The following LY96 variants were observed in gnomAD, a reference collection of about 807,000 sequenced individuals.
LY96 encodes the protein lymphocyte antigen 96, also known as myeloid differentiation protein-2.
A neutral mutation model predicts 18.9 loss-of-function variants in LY96; 18 were observed. The observed-to-expected ratio is 0.95, with a 90% CI of 0.66 to 1.41. LY96 has a LOEUF of 1.41. Among genes scored for constraint, LY96 ranks in the 40% most tolerant of loss-of-function variants. The pLI, the probability that LY96 is intolerant of heterozygous loss-of-function variation, is 0.00. For synonymous variants in LY96, 66 were observed against 62.6 expected (o/e 1.06, Z -0.26); for missense variants, 175 against 182.4 (o/e 0.96, Z 0.23).
At chr8:74,060,536 C>T in the LY96 span, among the ~76,000 whole-genome samples, 4 of 152,186 alleles carry the variant, frequency 2.6e-5, no homozygotes, top group Non-Finnish European at 4.4e-5. Flanking sequence ...TTTTTCTCTC[C>T]ACTTTTGAGT....
chr8:74,065,955 A>G, the LY96 span, among the ~76,000 whole-genome samples: 2 of 152,244 alleles, frequency 1.3e-5, no homozygotes, highest in East Asian at 1.9e-4. Context: ...GACATGCAGG[A>G]CAATTCAAAA....
chr8:74,089,852 C>A, the LY96 span, among the ~76,000 whole-genome samples: 1 of 152,124 alleles, frequency 6.6e-6, no homozygotes, highest in African/African-American at 2.4e-5. Context: ...TGAGCAAAGA[C>A]CTTGAGGGAG....
intron 3 of LY96, among the ~76,000 whole-genome samples, chr8:74,020,206 A>G (rs146530931): frequency 0.025 from 3,828 of 152,310 alleles, 173 homozygotes; most frequent in African/African-American, 0.085. Context: ...TAAGCTGATA[A>G]GCAGCTTCAG....
chr8:74,007,415 T>C (rs1424168654), intron 2 of LY96, among the ~76,000 whole-genome samples: 1 of 152,236 alleles, frequency 6.6e-6, no homozygotes, highest in African/African-American at 2.4e-5. Context: ...AAAATAATTA[T>C]TCAGTCATAT....
At chr8:74,083,654 G>A in the LY96 span, among the ~76,000 whole-genome samples, 1 of 152,032 alleles carries the variant, frequency 6.6e-6, no homozygotes, top group African/African-American at 2.4e-5. Context: ...TTTTTGATAG[G>A]TGCCTATGTT....
At chr8:74,088,648 C>T in the LY96 span, among the ~76,000 whole-genome samples, 54 of 152,252 alleles carry the variant, frequency 3.5e-4, 1 homozygote, top group East Asian at 3.3e-3. Flanking sequence ...TGCAGTGGCA[C>T]GATCTCGGCT....
intron 3 of LY96, among the ~76,000 whole-genome samples, chr8:74,020,606 T>C (rs1816738928): frequency 6.6e-6 from 1 of 152,132 alleles, no homozygotes; most frequent in Non-Finnish European, 1.5e-5. Flanking sequence ...GAGCCTGCAT[T>C]GCCAAGACAA....
the LY96 span, among the ~76,000 whole-genome samples, chr8:74,054,617 CTTCTTTCTTTCT>C: frequency 8.2e-3 from 574 of 70,144 alleles, 3 homozygotes; most frequent in South Asian, 0.031. Flanking sequence ...TTTCCTTTTC[CTTCTTTCTTTCT>C]TTCTTTCTTT....
chr8:73,996,441 T>TTTC (rs1306331478), intron 1 of LY96, among the ~76,000 whole-genome samples: 1 of 90,168 alleles, frequency 1.1e-5, no homozygotes, highest in Non-Finnish European at 2.5e-5. Context: ...TTCTTTCTTT[T>TTTC]TCTGAGACAG....
the LY96 span, among the ~76,000 whole-genome samples, chr8:74,098,117 C>G: frequency 3.3e-5 from 5 of 152,176 alleles, 1 homozygote; most frequent in South Asian, 1.0e-3. Flanking sequence ...TGGGCTTCAG[C>G]TTACTTGTCT....
chr8:74,068,744 G>A, the LY96 span, among the ~76,000 whole-genome samples: 1 of 152,066 alleles, frequency 6.6e-6, no homozygotes, highest in Admixed American at 6.6e-5. Flanking sequence ...CTCTTATGAA[G>A]GATCTGTTAG....
the LY96 span, among the ~76,000 whole-genome samples, chr8:74,096,609 C>A: frequency 6.6e-6 from 1 of 152,158 alleles, no homozygotes; most frequent in Non-Finnish European, 1.5e-5. Flanking sequence ...CAATTATCAT[C>A]TAGTAAGATA....
intron 3 of LY96, among the ~76,000 whole-genome samples, chr8:74,016,072 G>A (rs999354899): frequency 6.6e-6 from 1 of 152,250 alleles, no homozygotes. Context: ...GCCTCACCCA[G>A]GAAGTGCAAG....
chr8:74,037,083 C>G, the LY96 span, among the ~76,000 whole-genome samples: 2 of 152,284 alleles, frequency 1.3e-5, no homozygotes, highest in African/African-American at 4.8e-5. Flanking sequence ...ATGTACAACA[C>G]ATTTCTACTC....
Position 74,026,221 on chromosome 8 carries a change from C to A in LY96, c.332-568C>A, listed in dbSNP as rs78858257. Among the ~76,000 whole-genome samples, 242 of 152,352 alleles carry A rather than the reference C, an allele frequency of 1.6e-3. 2 individuals carry two copies. Among genetic ancestry groups the A allele is most frequent in the Non-Finnish European group, 2.4e-3 (166 of 68,028 alleles). On this transcript the variant is annotated intron_variant, in intron 3 of 4. Coordinates refer to ENST00000284818, the MANE Select transcript of LY96 (RefSeq NM_015364.5). ...ATACATTTCTATCTTTACCCCACCACATTCACTACTTTGTTCTGACTGGAA... is the reference window on the plus strand; with the variant it reads ...ATACATTTCTATCTTTACCCCACCAAATTCACTACTTTGTTCTGACTGGAA...
the LY96 span, among the ~76,000 whole-genome samples, chr8:74,082,331 T>C: frequency 6.6e-6 from 1 of 152,210 alleles, no homozygotes; most frequent in Non-Finnish European, 1.5e-5. Context: ...GTTCCTAGAT[T>C]GGACTTAGAT....
chr8:74,065,642 A>T, the LY96 span, among the ~76,000 whole-genome samples: 1 of 152,204 alleles, frequency 6.6e-6, no homozygotes, highest in Non-Finnish European at 1.5e-5. Flanking sequence ...TAACTTCTCC[A>T]TGCCTTGGTT....
the LY96 span, among the ~76,000 whole-genome samples, chr8:74,097,786 A>T: frequency 6.6e-6 from 1 of 152,320 alleles, no homozygotes; most frequent in South Asian, 2.1e-4. Flanking sequence ...CCAGTTACTC[A>T]AAGTGTGGTC....
the LY96 span, among the ~76,000 whole-genome samples, chr8:74,041,905 T>G: frequency 6.6e-6 from 1 of 152,244 alleles, no homozygotes; most frequent in Non-Finnish European, 1.5e-5. Context: ...GCATGTGATC[T>G]TGTGACCTAC....
Sources: gnomAD v4.1 joint callset for allele counts (sites outside exome capture counted in the v4.1 genomes callset) on GRCh38, gnomAD v4.1.1 for gene constraint, MANE v1.5 for transcripts, NCBI Gene and HGNC (gene_info 2026-07-23, HGNC 2026-07-21) for gene names.